DOC2B: variants seen among roughly 807,000 people sequenced by gnomAD.
The protein encoded by DOC2B is double C2-like domain-containing protein beta.
In DOC2B, 21 loss-of-function variants were observed where a neutral mutation model predicts 28.9. That is an observed-to-expected ratio of 0.73 (90% confidence interval 0.52 to 1.05). The LOEUF (loss-of-function observed/expected upper bound fraction) is 1.05. Among genes scored for constraint, DOC2B ranks in the 50% least tolerant of loss-of-function variants. The pLI is 0.00. For synonymous variants in DOC2B, 194 were observed against 178.1 expected (o/e 1.09, Z -0.71); for missense variants, 384 against 421.1 (o/e 0.91, Z 0.77).
At chr17:164,302 C>A in intron 2 of DOC2B, 98 bp from the exon 3 acceptor site, 1 of 911,708 alleles carries the variant, frequency 1.1e-6, no homozygotes, top group Non-Finnish European at 1.7e-6. Context: ...CTGGCTGGGC[C>A]CATTCATGGC....
chr17:165,262 G>A (rs976414746), intron 2 of DOC2B, among the ~76,000 whole-genome samples: 11 of 152,136 alleles, frequency 7.2e-5, no homozygotes, highest in Admixed American at 5.2e-4. Context: ...TAATCCCAGC[G>A]CTTGAGCCCA....
chr17:168,994 G>C (rs1308215865), intron 2 of DOC2B, among the ~76,000 whole-genome samples: 1 of 152,184 alleles, frequency 6.6e-6, no homozygotes, highest in Non-Finnish European at 1.5e-5. Context: ...GGCCCTGGCT[G>C]GTACTGGCAC....
intron 1 of DOC2B, among the ~76,000 whole-genome samples, chr17:178,351 C>T (rs1012472161): frequency 6.6e-6 from 1 of 152,268 alleles, no homozygotes; most frequent in Admixed American, 6.5e-5. Context: ...AGCAAGACCT[C>T]AGCTGTCCTC....
At chr17:155,785 T>C (rs915011522) in intron 6 of DOC2B, among the ~76,000 whole-genome samples, 23 of 152,206 alleles carry the variant, frequency 1.5e-4, no homozygotes. Flanking sequence ...TGGACTCTTA[T>C]CCGCATCTGT....
intron 3 of DOC2B, among the ~76,000 whole-genome samples, chr17:163,169 A>G (rs2040224190): frequency 6.6e-6 from 1 of 152,182 alleles, no homozygotes; most frequent in African/African-American, 2.4e-5. Context: ...GCAGCCATGC[A>G]CTGCCGGCTC....
chr17:157,408 C>T (rs138654549), intron 5 of DOC2B, among the ~76,000 whole-genome samples: 482 of 152,304 alleles, frequency 3.2e-3, no homozygotes, highest in African/African-American at 0.011. Context: ...GGTGTGGCCC[C>T]CTGCTTCCTC....
At chr17:153,584 C>T (rs1432300608) in intron 6 of DOC2B, among the ~76,000 whole-genome samples, 2 of 152,030 alleles carry the variant, frequency 1.3e-5, no homozygotes, top group Admixed American at 1.3e-4. Flanking sequence ...GCCTGTAATC[C>T]CAGCTACTTG....
intron 2 of DOC2B, among the ~76,000 whole-genome samples, chr17:170,918 AGGGGCCG>A: frequency 6.5e-5 from 1 of 15,458 alleles, no homozygotes; most frequent in African/African-American, 1.9e-4. Flanking sequence ...GGGCAGCACC[AGGGGCCG>A]GGCCAGGCTG....
intron 7 of DOC2B, among the ~76,000 whole-genome samples, 153 bp from the exon 8 acceptor site, chr17:148,422 C>T (rs1361595177): frequency 1.3e-5 from 2 of 152,064 alleles, no homozygotes; most frequent in Admixed American, 1.3e-4. Context: ...TCGCCCACTT[C>T]CCCCTGAGCT....
chr17:180,421 C>A (rs565690470), intron 1 of DOC2B, among the ~76,000 whole-genome samples: 2 of 152,052 alleles, frequency 1.3e-5, no homozygotes, highest in South Asian at 4.2e-4. Flanking sequence ...CCTCTCTGCC[C>A]GGGGGCCGCG....
At chr17:170,835 G>C (rs1296904937) in intron 2 of DOC2B, among the ~76,000 whole-genome samples, 1 of 106,034 alleles carries the variant, frequency 9.4e-6, no homozygotes, top group Non-Finnish European at 2.1e-5. Flanking sequence ...GGCCGGGCCA[G>C]GCTGCAGAGG....
chr17:151,883 G>A (rs1036250381), intron 6 of DOC2B, among the ~76,000 whole-genome samples: 14 of 152,172 alleles, frequency 9.2e-5, no homozygotes, highest in Admixed American at 7.2e-4. Context: ...GGACAGTTCC[G>A]CCAGCGTTGC....
chr17:175,347 G>A (rs996901846), intron 1 of DOC2B, among the ~76,000 whole-genome samples: 88 of 152,376 alleles, frequency 5.8e-4, no homozygotes, highest in African/African-American at 2.1e-3. Context: ...CTGCATGCTA[G>A]CTGCCATCTC....
chr17:150,952 G>A (rs1469290949), intron 6 of DOC2B, among the ~76,000 whole-genome samples: 1 of 152,194 alleles, frequency 6.6e-6, no homozygotes, highest in Non-Finnish European at 1.5e-5. Context: ...ACTGTTTCAT[G>A]GGAAAGTCTG....
intron 5 of DOC2B, among the ~76,000 whole-genome samples, chr17:160,237 C>T (rs1042628451): frequency 6.6e-6 from 1 of 152,174 alleles, no homozygotes; most frequent in Non-Finnish European, 1.5e-5. Flanking sequence ...CTGCCTTGGC[C>T]TCCTAAGATG....
At chr17:179,269 C>T (rs1400062642) in intron 1 of DOC2B, among the ~76,000 whole-genome samples, 1 of 152,168 alleles carries the variant, frequency 6.6e-6, no homozygotes. Flanking sequence ...TATCTCAGGC[C>T]AGGGGCCCAG....
intron 5 of DOC2B, among the ~76,000 whole-genome samples, chr17:156,789 G>A (rs1555522591): frequency 6.6e-6 from 1 of 152,152 alleles, no homozygotes; most frequent in African/African-American, 2.4e-5. Context: ...ATTTTGCCCA[G>A]GCTGATCTCA....
intron 2 of DOC2B, among the ~76,000 whole-genome samples, chr17:172,283 G>A (rs548165273): frequency 5.3e-5 from 8 of 151,764 alleles, no homozygotes; most frequent in South Asian, 2.1e-4. Flanking sequence ...GAGGGTCCTC[G>A]GTCCAGGCCT....
intron 2 of DOC2B, 73 bp from the exon 3 acceptor site, chr17:164,277 T>G: frequency 8.2e-7 from 1 of 1,215,442 alleles, no homozygotes; most frequent in Non-Finnish European, 1.2e-6. Context: ...CAGATGCCCT[T>G]GTCCCCTGGG....
Sources: allele counts gnomAD v4.1 joint callset (sites outside exome capture counted in the v4.1 genomes callset), GRCh38; gene constraint gnomAD v4.1.1; transcripts MANE v1.5; gene names NCBI Gene and HGNC (gene_info 2026-07-23, HGNC 2026-07-21).